The following NRG1 variants were observed in gnomAD, a reference collection of about 807,000 sequenced individuals.
NRG1 encodes the protein pro-neuregulin-1, membrane-bound isoform.
Under a neutral mutation model 63.8 loss-of-function variants are expected in NRG1, and 18 were observed. The ratio of observed to expected loss-of-function variants is 0.28; its 90% CI spans 0.19 to 0.42. The LOEUF (loss-of-function observed/expected upper bound fraction) is 0.42. Among genes scored for constraint, NRG1 ranks in the 10% least tolerant of loss-of-function variants. The pLI is 1.00. For missense variants in NRG1, 762 were observed against 814.7 expected (o/e 0.94, Z 0.79); for synonymous variants, 302 against 301.3 (o/e 1.00, Z -0.02).
intron 1 of NRG1, among the ~76,000 whole-genome samples, chr8:32,008,183 G>A (rs1415600045): frequency 1.3e-5 from 2 of 151,998 alleles, no homozygotes; most frequent in South Asian, 4.1e-4. Context: ...GAAGAAGAGT[G>A]TCGGCTCACT....
At chr8:31,817,416 A>G (rs1206638425) in intron 1 of NRG1, among the ~76,000 whole-genome samples, 1 of 152,242 alleles carries the variant, frequency 6.6e-6, no homozygotes, top group Non-Finnish European at 1.5e-5. Flanking sequence ...ATTTTCTTCT[A>G]GCATCTGAAA....
chr8:32,382,429 T>C (rs1810470685), intron 1 of NRG1, among the ~76,000 whole-genome samples: 2 of 152,198 alleles, frequency 1.3e-5, no homozygotes, highest in South Asian at 2.1e-4. Flanking sequence ...TTAGATCTTG[T>C]AGCTATATGT....
intron 1 of NRG1, among the ~76,000 whole-genome samples, chr8:31,977,544 T>G (rs1396790943): frequency 6.6e-6 from 1 of 152,176 alleles, no homozygotes; most frequent in Non-Finnish European, 1.5e-5. Context: ...CAATTCATCC[T>G]ATGCATCAAT....
chr8:32,350,826 A>G (rs1366285446), intron 1 of NRG1, among the ~76,000 whole-genome samples: 1 of 152,124 alleles, frequency 6.6e-6, no homozygotes, highest in African/African-American at 2.4e-5. Context: ...TGAATTTGTT[A>G]TATATTGATT....
In NRG1 at chr8:32,044,913, CAAAA is replaced by C; in HGVS notation, c.37+405497_37+405500del. Among the ~76,000 whole-genome samples, 248 of 57,148 alleles carry C rather than the reference CAAAA, an allele frequency of 4.3e-3. 3 individuals carry two copies. Among genetic ancestry groups the C allele is most frequent in the Middle Eastern group, 0.014 (1 of 72 alleles). The allele number at this position is 57,148 out of a possible 152,430, so 37.5% of individuals were successfully genotyped here. On this transcript the variant is annotated intron_variant, in intron 1 of 10. Coordinates refer to the NRG1 transcript ENST00000519301. The stretch of plus-strand genomic sequence containing the variant: ...CCTTAAGAACTTACATAAAGAAAAG[CAAAA>C]AAAAAAAAAAAAAACACACACACAC...
chr8:31,874,451 G>A (rs1449716508), intron 1 of NRG1, among the ~76,000 whole-genome samples: 1 of 152,140 alleles, frequency 6.6e-6, no homozygotes, highest in Non-Finnish European at 1.5e-5. Flanking sequence ...CATGGTAGGT[G>A]TATATAGCCA....
At chr8:32,551,416 T>A (rs920252299) in intron 1 of NRG1, among the ~76,000 whole-genome samples, 1 of 152,218 alleles carries the variant, frequency 6.6e-6, no homozygotes, top group Non-Finnish European at 1.5e-5. Flanking sequence ...GTTTTAACAT[T>A]GCCTCATGAC....
chr8:32,372,680 T>C (rs1809066995), intron 1 of NRG1, among the ~76,000 whole-genome samples: 1 of 152,198 alleles, frequency 6.6e-6, no homozygotes, highest in Admixed American at 6.5e-5. Flanking sequence ...TCCACCATCA[T>C]CTGCATTTGA....
At chr8:31,954,352 G>C (rs182230936) in intron 1 of NRG1, among the ~76,000 whole-genome samples, 6 of 152,214 alleles carry the variant, frequency 3.9e-5, no homozygotes, top group Non-Finnish European at 7.3e-5. Flanking sequence ...TTTTACTGGA[G>C]AGAGAGGTTG....
intron 1 of NRG1, among the ~76,000 whole-genome samples, chr8:31,861,177 AC>A (rs1161032435): frequency 6.6e-6 from 1 of 152,180 alleles, no homozygotes; most frequent in Non-Finnish European, 1.5e-5. Context: ...CCGAAAAAAC[AC>A]TGAAAGGGTG....
At chr8:31,730,941 G>A (rs1430439078) in intron 1 of NRG1, among the ~76,000 whole-genome samples, 1 of 152,114 alleles carries the variant, frequency 6.6e-6, no homozygotes, top group African/African-American at 2.4e-5. Context: ...AGGAAAAACA[G>A]CAGAATAGAA....
At chr8:32,453,834 G>C (rs2129488256) in intron 1 of NRG1, among the ~76,000 whole-genome samples, 1 of 152,268 alleles carries the variant, frequency 6.6e-6, no homozygotes, top group South Asian at 2.1e-4. Context: ...CCCATCCCCA[G>C]TCAGCTGCAG....
At chr8:31,766,291 T>A (rs1818050352) in intron 1 of NRG1, among the ~76,000 whole-genome samples, 1 of 152,122 alleles carries the variant, frequency 6.6e-6, no homozygotes, top group African/African-American at 2.4e-5. Context: ...ATCCCCTGAG[T>A]TGTATCCTGA....
At chr8:31,639,281 T>TA in exon 1 of NRG1, 1 of 1,334,650 alleles carries the variant, frequency 7.5e-7, no homozygotes, top group Non-Finnish European at 1.0e-6. Flanking sequence ...TGCAGCCTGT[T>TA]TGCCGCCCGT....
At chr8:32,482,893 T>G (rs891545730) in intron 1 of NRG1, among the ~76,000 whole-genome samples, 1 of 152,164 alleles carries the variant, frequency 6.6e-6, no homozygotes, top group African/African-American at 2.4e-5. Flanking sequence ...TTACACCAGG[T>G]TGATGTTAGG....
At chr8:32,367,196 T>G (rs1808181500) in intron 1 of NRG1, among the ~76,000 whole-genome samples, 2 of 152,194 alleles carry the variant, frequency 1.3e-5, no homozygotes, top group South Asian at 4.1e-4. Context: ...TACTTTTAGT[T>G]TTTTGAGAAA....
chr8:32,031,168 T>C (rs1430945432), intron 1 of NRG1, among the ~76,000 whole-genome samples: 1 of 152,162 alleles, frequency 6.6e-6, no homozygotes, highest in Non-Finnish European at 1.5e-5. Context: ...TAGCATCACA[T>C]TGTCATAAGC....
chr8:32,157,941 C>T (rs918412732), intron 1 of NRG1, among the ~76,000 whole-genome samples: 8 of 152,100 alleles, frequency 5.3e-5, no homozygotes, highest in Non-Finnish European at 1.0e-4. Context: ...TGACTATTCT[C>T]CATTAGCTCT....
intron 1 of NRG1, among the ~76,000 whole-genome samples, chr8:31,833,986 T>A (rs889063750): frequency 2.6e-5 from 4 of 152,212 alleles, no homozygotes; most frequent in African/African-American, 9.6e-5. Context: ...CAGGTAAAAG[T>A]AAGCCCTTCT....
Sources: allele counts gnomAD v4.1 joint callset (sites outside exome capture counted in the v4.1 genomes callset), GRCh38; gene constraint gnomAD v4.1.1; transcripts MANE v1.5; gene names NCBI Gene and HGNC (gene_info 2026-07-23, HGNC 2026-07-21).